Variants in RASAL3 observed in about 807,000 individuals in gnomAD.
RASAL3 encodes the protein RAS protein activator like-3.
A neutral mutation model predicts 105.5 loss-of-function variants in RASAL3; 74 were observed. The ratio of observed to expected loss-of-function variants is 0.70; its 90% CI spans 0.58 to 0.85. The LOEUF (loss-of-function observed/expected upper bound fraction) is 0.85. Among genes scored for constraint, RASAL3 ranks in the 40% least tolerant of loss-of-function variants. The pLI, the probability that RASAL3 is intolerant of heterozygous loss-of-function variation, is 0.00. For synonymous variants in RASAL3, 579 were observed against 591.6 expected, an observed-to-expected ratio of 0.98 and a Z score of 0.31; for missense variants, 1,352 against 1,392.0, an observed-to-expected ratio of 0.97 and a Z score of 0.46.
At position 15,460,231 on chromosome 19, in the gene RASAL3, T is replaced by C; in HGVS notation, c.634A>G (p.Lys212Glu). The change falls in exon 6 of 18, where the codon AAA becomes GAA. Residue 212 changes from lysine to glutamate, a missense_variant. By Grantham distance (56) the Lys-to-Glu change is moderately conservative (BLOSUM62 1). Transcript: ENST00000343625. The part of the protein sequence containing the change: ...RGLLKRLKEK[K>E]KARLEPRDGP... The stretch of plus-strand genomic sequence containing the variant: ...TCCCGGGGCTCCAACCTGGCCTTTT[T>C]CTTCTCTTTCAGCCTCTTGAGCAAC... The C allele has an allele frequency of 3.1e-6, 5 of 1,609,184 alleles. No homozygotes were observed. Among genetic ancestry groups the C allele is most frequent in the Non-Finnish European group, 4.2e-6 (5 of 1,177,864 alleles).
rs774757566 is a variant in RASAL3, at chr19:15,458,422, G to C, written c.794C>G (p.Thr265Ser). The C allele has an allele frequency of 5.0e-6, 8 of 1,613,696 alleles. No homozygotes were observed. Among genetic ancestry groups the C allele is most frequent in the Non-Finnish European group, 6.8e-6 (8 of 1,179,820 alleles). Residue 265 changes from threonine to serine, a missense_variant, in exon 8 of 18, where the codon ACC (threonine) becomes AGC (serine). This residue lies in a region of RASAL3 where 88 missense variants were observed against 132.7 expected (regional missense o/e 0.66). Transcript: ENST00000343625. ...GAAGCAGCGGCTTCCACCCGTCCAG[G>C]TTACCTGTTGGGATGGAGAATCCAA... Reference protein sequence around the residue: ...LLGEPHCFQVTWTGGSRCFSC... With the variant: ...LLGEPHCFQVSWTGGSRCFSC...
intron 5 of RASAL3, 73 bp downstream of exon 5, chr19:15,460,987 G>T: frequency 2.2e-6 from 3 of 1,393,658 alleles, no homozygotes; most frequent in Non-Finnish European, 2.0e-6. Context: ...CCCAGCAAGA[G>T]TGCCCTTTCA....
At chr19:15,458,245 C>A in intron 8 of RASAL3, 83 bp downstream of exon 8, 3 of 1,327,296 alleles carry the variant, frequency 2.3e-6, no homozygotes, top group Non-Finnish European at 3.2e-6. Flanking sequence ...GGTTATGGAG[C>A]GAGCTGGCTT....
In RASAL3 at chr19:15,461,097, G is replaced by A. The variant is rs372259496; in HGVS notation, c.569C>T (p.Pro190Leu). 1.4e-4 allele frequency: 230 copies of A among 1,613,770 alleles called. 1 individual carries two copies. Among genetic ancestry groups the A allele is most frequent in the Middle Eastern group, 6.6e-4 (4 of 6,082 alleles). Residue 190 changes from proline to leucine, a missense_variant, in exon 5 of 18, where the codon CCG (proline) becomes CTG (leucine). Physicochemically the swap from Pro to Leu is moderately conservative, Grantham distance 98 (BLOSUM62 -3). Around this residue, in one of 3 missense-constraint regions of RASAL3, gnomAD observed 344 missense variants for 339.6 expected, o/e 1.01. Transcript: ENST00000343625. ...GACCTGGTTGGGACCAGCAGTCTCC[G>A]GTTCTGTTTTTCCAGGCATCCGATC... Reference protein sequence around the residue: ...DPDRMPGKTEPETAGPNQVHN... With the variant: ...DPDRMPGKTELETAGPNQVHN...
chr19:15,452,572 GT>G (rs1196729979), intron 16 of RASAL3, 85 bp downstream of exon 16: 14 of 1,142,824 alleles, frequency 1.2e-5, no homozygotes, highest in South Asian at 4.9e-5. Flanking sequence ...GCTAGGCGTG[GT>G]TTGGGGGGGG....
chr19:15,464,310 T>C lies in RASAL3; in HGVS notation c.49A>G (p.Thr17Ala). The C allele has an allele frequency of 2.4e-6, 3 of 1,256,808 alleles. No homozygotes were observed. The highest frequency in any genetic ancestry group is 2.4e-5 in the Admixed American group (1 of 42,158). The allele number at this position is 1,256,808 out of a possible 1,614,324, so 77.9% of individuals were successfully genotyped here. The change falls in exon 2 of 18, where the codon ACC becomes GCC. Residue 17 changes from threonine (T) to alanine (A), a missense_variant. Physicochemically the swap from Thr to Ala is moderately conservative, Grantham distance 58. Transcript: ENST00000343625. ...CAGCGGTAGGAAGTCAGCGGAGAGG[T>C]GGCTGTGGGCTGGGTTTGGGAGGTC... ...SRTSQTQPTA[T>A]SPLTSYRWHT...
chr19:15,458,174 TGGAAG>T, intron 8 of RASAL3, 149 bp downstream of exon 8: 1 of 701,348 alleles, frequency 1.4e-6, no homozygotes, highest in Non-Finnish European at 2.4e-6. Flanking sequence ...TGGTAATAGA[TGGAAG>T]GGGAGTCTTG....
chr19:15,459,863 G>T (rs922273738), intron 6 of RASAL3, among the ~76,000 whole-genome samples: 4 of 152,098 alleles, frequency 2.6e-5, no homozygotes, highest in African/African-American at 9.7e-5. Context: ...CGGCCTCTTG[G>T]CCTTTGCACT....
At chr19:15,458,483 G>A in intron 7 of RASAL3, 46 bp downstream of exon 7, 1 of 1,613,662 alleles carries the variant, frequency 6.2e-7, no homozygotes, top group Non-Finnish European at 8.5e-7. Context: ...GCCAAAGGGT[G>A]GGAGGTGGGA....
intron 6 of RASAL3, among the ~76,000 whole-genome samples, chr19:15,459,590 T>C (rs933231689): frequency 6.6e-6 from 1 of 152,058 alleles, no homozygotes; most frequent in South Asian, 2.1e-4. Context: ...CAGGCTGGAG[T>C]GCAGTGGCAT....
Position 15,454,827 on chromosome 19 carries a change from A to C in RASAL3, c.1788T>G (p.Ser596=). The change falls in exon 12 of 18, where the codon TCT becomes TCG. Residue 596 remains serine, a synonymous_variant. Coordinates refer to ENST00000343625, the MANE Select transcript of RASAL3 (RefSeq NM_022904.3). The part of the protein sequence containing the change: ...SWREACKERG[S]EVLGPRLVCA... ...ACACCAGTCGGGGGCCCAGCACCTC[A>C]GAGCCACGTTCTTTACATGCTTCTC... is the stretch of plus-strand genomic sequence containing the variant. 6.9e-6 allele frequency: 11 copies of C among 1,587,704 alleles called. No homozygotes were observed. Among genetic ancestry groups the C allele is most frequent in the Non-Finnish European group, 8.6e-6 (10 of 1,167,310 alleles).
In RASAL3 at chr19:15,453,936, G is replaced by A. The variant is rs1249864611; in HGVS notation, c.2279+213C>T. Among the ~76,000 whole-genome samples, 1 of 151,946 alleles carries A rather than the reference G, an allele frequency of 6.6e-6. No individual in the cohort carries two copies. Among genetic ancestry groups the A allele is most frequent in the Non-Finnish European group, 1.5e-5 (1 of 67,990 alleles). On this transcript the variant is annotated intron_variant, in intron 14 of 17. Coordinates refer to ENST00000343625, the MANE Select transcript of RASAL3 (RefSeq NM_022904.3). This position sits in a 1 kb window ranked among gnomAD's most constrained non-coding sequence, Gnocchi z 4.2. ...CTGACTATAATACTGTCCTCTCTAT[G>A]ACCCTTGACATCTCTCCACCCTAAC...
Position 15,452,670 on chromosome 19 carries a change from C to T in RASAL3, c.2816G>A (p.Arg939Lys), listed in dbSNP as rs1264246916. The T allele has an allele frequency of 6.5e-7, 1 of 1,548,688 alleles. No individual in the cohort carries two copies. The highest frequency in any genetic ancestry group is 1.4e-5 in the African/African-American group (1 of 72,966). The change falls in exon 16 of 18, where the codon AGG becomes AAG. Residue 939 changes from arginine (R) to lysine (K), a missense_variant. Transcript: ENST00000343625. ...LRGQLQDLDS[R>K]LRAGSSEFDS... ...GGGCTGGGCTCACCCAGCACGGAGC[C>T]TGGAGTCCAGATCCTGCAGCTGGCC...
chr19:15,453,602 T>C lies in RASAL3; in HGVS notation c.2280-105A>G. Reference sequence around the variant, plus strand: ...ACCCCCCACGTGAACTTGTCCTTTCTTTTTTTTTTTTGAGACAAGGTCTTG... The same window carrying C: ...ACCCCCCACGTGAACTTGTCCTTTCCTTTTTTTTTTTGAGACAAGGTCTTG... On this transcript the variant is annotated intron_variant, in intron 14 of 17. Transcript: ENST00000343625. This position sits in a 1 kb window ranked among gnomAD's most constrained non-coding sequence, Gnocchi z 4.2. The C allele has an allele frequency of 2.9e-6, 1 of 348,446 alleles. No individual in the cohort carries two copies. Among genetic ancestry groups the C allele is most frequent in the Non-Finnish European group, 4.2e-6 (1 of 238,012 alleles). 21.6% of individuals were successfully genotyped at this position (348,446 alleles called of 1,614,324 possible). A position where few individuals can be genotyped will look rare whatever the true frequency, so the allele number is the denominator to read the frequency against.
chr19:15,454,184 C>A lies in RASAL3; in HGVS notation c.2244G>T (p.Met748Ile), dbSNP rs1045506120. 1 of 1,568,628 alleles carries A rather than the reference C, an allele frequency of 6.4e-7. No individual in the cohort carries two copies. The highest frequency in any genetic ancestry group is 1.2e-5 in the South Asian group (1 of 85,214). The change falls in exon 14 of 18, where the codon ATG becomes ATT. Residue 748 changes from methionine to isoleucine, a missense_variant. Physicochemically the swap from Met to Ile is conservative, Grantham distance 10. Coordinates refer to ENST00000343625, the MANE Select transcript of RASAL3 (RefSeq NM_022904.3). ...CCTGGGCCGGGGGCAGTGGGAGACG[C>A]ATTGGCACTGACACAAGCACAGGCT... ...EGQPVLVSVP[M>I]RLPLPPAQVH... is the part of the protein sequence containing the mutation.
rs1970372618 is a variant in RASAL3 at position 15,457,735 on chromosome 19, G to A, written c.988C>T (p.Leu330=). 7.2e-6 allele frequency: 11 copies of A among 1,538,114 alleles called. No homozygotes were observed. Among genetic ancestry groups the A allele is most frequent in the Non-Finnish European group, 9.6e-6 (11 of 1,142,034 alleles). Reference sequence around the variant, plus strand: ...GCCAGCAGCGCGCCATCCAGCCACAGCTCGGCGCGCACGCCGGGTGCCCCC... The same window carrying A: ...GCCAGCAGCGCGCCATCCAGCCACAACTCGGCGCGCACGCCGGGTGCCCCC... ...AAGAPGVRAE[L]WLDGALLART... is the part of the protein sequence containing the mutation. The change falls in exon 9 of 18, where the codon CTG becomes TTG. Residue 330 remains leucine, a synonymous_variant. Transcript: ENST00000343625. The surrounding 1 kb of genome is among the most constrained non-coding windows in gnomAD (Gnocchi z 8.6).
chr19:15,461,205 C>G lies in RASAL3; in HGVS notation c.544+13G>C. The G allele has an allele frequency of 6.2e-7, 1 of 1,613,812 alleles. No homozygotes were observed. The highest frequency in any genetic ancestry group is 8.5e-7 in the Non-Finnish European group (1 of 1,179,792). ...TCCCAAATGCCCCAGGCCTTTCCAC[C>G]CCTCAAGCTTACCTGGATCCCTGAA... On this transcript the variant is annotated intron_variant, in intron 4 of 17. Coordinates refer to ENST00000343625, the MANE Select transcript of RASAL3 (RefSeq NM_022904.3).
At position 15,454,823 on chromosome 19, in the gene RASAL3, C is replaced by T; in HGVS notation, c.1792G>A (p.Val598Met). 1.9e-6 allele frequency: 3 copies of T among 1,588,938 alleles called. No homozygotes were observed. Among genetic ancestry groups the T allele is most frequent in the African/African-American group, 1.3e-5 (1 of 74,538 alleles). ...GCGCACACCAGTCGGGGGCCCAGCACCTCAGAGCCACGTTCTTTACATGCT... is the reference window on the plus strand; with the variant it reads ...GCGCACACCAGTCGGGGGCCCAGCATCTCAGAGCCACGTTCTTTACATGCT... Reference protein sequence around the residue: ...REACKERGSEVLGPRLVCASL... With the variant: ...REACKERGSEMLGPRLVCASL... Residue 598 changes from valine (V) to methionine (M), a missense_variant, in exon 12 of 18, where the codon GTG (valine) becomes ATG (methionine). Val to Met is a conservative substitution (Grantham distance 21). Transcript: ENST00000343625.
At chr19:15,462,273 G>A (rs1385581328) in intron 2 of RASAL3, among the ~76,000 whole-genome samples, 2 of 151,700 alleles carry the variant, frequency 1.3e-5, no homozygotes, top group African/African-American at 4.8e-5. Flanking sequence ...GATCATCTGA[G>A]GCTGGGAGTT....
Sources: gnomAD v4.1 joint callset for allele counts (sites outside exome capture counted in the v4.1 genomes callset) on GRCh38, gnomAD v4.1.1 for gene constraint, gnomAD v4.1.1 regional missense constraint, Gnocchi (gnomAD v3.1) non-coding constraint, MANE v1.5 for transcripts, NCBI Gene and HGNC (gene_info 2026-07-23, HGNC 2026-07-21) for gene names.